CCR3: variants seen among roughly 807,000 people sequenced by gnomAD.
The protein encoded by CCR3 is C-C motif chemokine receptor 3.
For missense variants in CCR3, 419 were observed against 437.5 expected, an observed-to-expected ratio of 0.96 and a Z score of 0.38; for synonymous variants, 203 against 179.2, an observed-to-expected ratio of 1.13 and a Z score of -1.06.
chr3:46,249,994 A>C (rs1700274454), intron 1 of CCR3, among the ~76,000 whole-genome samples: 2 of 151,996 alleles, frequency 1.3e-5, no homozygotes, highest in South Asian at 4.2e-4. Flanking sequence ...TGGGTAATAA[A>C]ATGTATATTG....
intron 2 of CCR3, among the ~76,000 whole-genome samples, chr3:46,217,121 C>T (rs1261481634): frequency 2.0e-5 from 3 of 152,136 alleles, no homozygotes; most frequent in African/African-American, 2.4e-5. Context: ...GGAGGGAAGA[C>T]ATTCCATGCA....
rs368847809 is a variant in CCR3, at chr3:46,226,214, A to C, written c.-68+15307A>C. On this transcript the variant is annotated intron_variant, in intron 2 of 3. Transcript: ENST00000357422. Reference sequence around the variant, plus strand: ...AATAATAAGCTTACAAATGGCTATAAAAATTTCACTGGAATTTCTATAATA... The same window carrying C: ...AATAATAAGCTTACAAATGGCTATACAAATTTCACTGGAATTTCTATAATA... Among the ~76,000 whole-genome samples the C allele has an allele frequency of 2.6e-5, 4 of 152,334 alleles. No individual in the cohort carries two copies. In the South Asian group the frequency reaches 8.3e-4, roughly 32 times the overall value.
chr3:46,262,259 A>C (rs1426527693), intron 1 of CCR3, among the ~76,000 whole-genome samples: 1 of 152,262 alleles, frequency 6.6e-6, no homozygotes, highest in Non-Finnish European at 1.5e-5. Context: ...TTTTCCTGCT[A>C]TCCAGCAGAT....
intron 1 of CCR3, among the ~76,000 whole-genome samples, chr3:46,249,538 A>G (rs1051306203): frequency 6.6e-6 from 1 of 152,176 alleles, no homozygotes. Context: ...GTGATGGTCT[A>G]TGGGGCTTCC....
intron 2 of CCR3, among the ~76,000 whole-genome samples, chr3:46,211,722 A>C (rs1156438514): frequency 6.6e-6 from 1 of 152,178 alleles, no homozygotes; most frequent in Non-Finnish European, 1.5e-5. Flanking sequence ...CACTTTGAAC[A>C]TAGAACACAC....
At chr3:46,260,140 C>G (rs565499133) in intron 1 of CCR3, among the ~76,000 whole-genome samples, 1 of 152,104 alleles carries the variant, frequency 6.6e-6, no homozygotes, top group Non-Finnish European at 1.5e-5. Flanking sequence ...CAGGAAAAAC[C>G]CACCCCCATA....
chr3:46,224,336 C>A (rs1229997291), intron 2 of CCR3, among the ~76,000 whole-genome samples: 1 of 152,182 alleles, frequency 6.6e-6, no homozygotes, highest in African/African-American at 2.4e-5. Flanking sequence ...GTGGCTCACA[C>A]CTGTAATCCC....
At chr3:46,249,175 GA>G (rs1443520080) in intron 1 of CCR3, among the ~76,000 whole-genome samples, 3 of 152,100 alleles carry the variant, frequency 2.0e-5, no homozygotes, top group Non-Finnish European at 4.4e-5. Context: ...AATACAAGAA[GA>G]GGACGCAAAG....
chr3:46,260,393 C>G (rs1700501245), intron 1 of CCR3, among the ~76,000 whole-genome samples: 1 of 152,206 alleles, frequency 6.6e-6, no homozygotes, highest in African/African-American at 2.4e-5. Context: ...CAAGGCAAGT[C>G]CCTTCTGCCT....
intron 2 of CCR3, among the ~76,000 whole-genome samples, chr3:46,227,616 A>G (rs1045543652): frequency 6.6e-6 from 1 of 152,092 alleles, no homozygotes; most frequent in Admixed American, 6.5e-5. Flanking sequence ...AAGAACTTGG[A>G]TTATTGATGC....
At chr3:46,217,351 A>T (rs1479676925) in intron 2 of CCR3, among the ~76,000 whole-genome samples, 1 of 152,186 alleles carries the variant, frequency 6.6e-6, no homozygotes, top group South Asian at 2.1e-4. Context: ...GATTGATGGC[A>T]ACACAATAGT....
At chr3:46,228,346 A>G (rs946682632) in intron 2 of CCR3, among the ~76,000 whole-genome samples, 1 of 152,146 alleles carries the variant, frequency 6.6e-6, no homozygotes, top group Non-Finnish European at 1.5e-5. Context: ...TCATCTTATA[A>G]GAATTTTATC....
chr3:46,243,682 C>G (rs1162501985), intron 1 of CCR3, among the ~76,000 whole-genome samples: 1 of 152,150 alleles, frequency 6.6e-6, no homozygotes, highest in Non-Finnish European at 1.5e-5. Context: ...TGAAGTGCAG[C>G]TCTTTCCAGA....
intron 1 of CCR3, among the ~76,000 whole-genome samples, chr3:46,261,523 C>G (rs937109439): frequency 1.3e-5 from 2 of 152,058 alleles, no homozygotes; most frequent in African/African-American, 4.8e-5. Context: ...TCCTCTGACC[C>G]CAGGGAATGT....
At chr3:46,225,163 C>T (rs1450433379) in intron 2 of CCR3, among the ~76,000 whole-genome samples, 1 of 152,130 alleles carries the variant, frequency 6.6e-6, no homozygotes, top group Non-Finnish European at 1.5e-5. Flanking sequence ...CAATAATGGT[C>T]AAAACTGATC....
rs185787688 is a variant in CCR3 at position 46,219,415 on chromosome 3, C to T, written c.-68+8508C>T. Among the ~76,000 whole-genome samples, 5 of 152,116 alleles carry T rather than the reference C, an allele frequency of 3.3e-5. No individual in the cohort carries two copies. The East Asian group carries it at 9.6e-4, about 29-fold the overall frequency. The stretch of plus-strand genomic sequence containing the variant: ...ATGAAAATGACCATACTGCCTAAAG[C>T]AATCTATAAATTCAATGCAATTCTC... On this transcript the variant is annotated intron_variant, in intron 2 of 3. Transcript: ENST00000357422.
intron 1 of CCR3, among the ~76,000 whole-genome samples, chr3:46,248,200 G>A (rs1463715902): frequency 6.6e-6 from 1 of 152,150 alleles, no homozygotes; most frequent in Non-Finnish European, 1.5e-5. Flanking sequence ...CTGAAGTCCG[G>A]GCCAGGAATG....
At chr3:46,259,104 A>G (rs1433842154) in intron 1 of CCR3, among the ~76,000 whole-genome samples, 1 of 152,216 alleles carries the variant, frequency 6.6e-6, no homozygotes, top group Non-Finnish European at 1.5e-5. Context: ...AACATGCACA[A>G]AAGATGTTCA....
At chr3:46,213,281 C>T (rs1699738561) in intron 2 of CCR3, among the ~76,000 whole-genome samples, 1 of 152,214 alleles carries the variant, frequency 6.6e-6, no homozygotes, top group African/African-American at 2.4e-5. Flanking sequence ...GTCAATTCAC[C>T]TTTATGTGGC....
Sources: allele counts gnomAD v4.1 joint callset (sites outside exome capture counted in the v4.1 genomes callset), GRCh38; gene constraint gnomAD v4.1.1; transcripts MANE v1.5; gene names NCBI Gene and HGNC (gene_info 2026-07-23, HGNC 2026-07-21).